ASIC2: variants seen among roughly 807,000 people sequenced by gnomAD.
ASIC2 encodes the protein acid sensing ion channel subunit 2, also known as acid-sensing ion channel 2.
Under a neutral mutation model 57.3 loss-of-function variants are expected in ASIC2, and 25 were observed. The observed-to-expected ratio is 0.44, with a 90% confidence interval of 0.32 to 0.61. The LOEUF is 0.61. ASIC2 is among the 20% of genes least tolerant of loss of function. ASIC2 has a pLI of 0.06. For missense variants in ASIC2, 641 were observed against 738.1 expected (o/e 0.87, Z 1.52); for synonymous variants, 319 against 307.5 (o/e 1.04, Z -0.39).
chr17:34,029,237 T>C (rs1907493945), intron 1 of ASIC2, among the ~76,000 whole-genome samples: 1 of 152,222 alleles, frequency 6.6e-6, no homozygotes, highest in Non-Finnish European at 1.5e-5. Context: ...AGGAAGTAGA[T>C]AGGCTCTGTG....
At chr17:33,703,242 G>A (rs906358021) in intron 1 of ASIC2, among the ~76,000 whole-genome samples, 1 of 152,074 alleles carries the variant, frequency 6.6e-6, no homozygotes, top group East Asian at 1.9e-4. Flanking sequence ...AGAGATGGGA[G>A]CTATAGTTTG....
chr17:33,977,485 T>C (rs1032188066), intron 1 of ASIC2, among the ~76,000 whole-genome samples: 1 of 152,236 alleles, frequency 6.6e-6, no homozygotes, highest in Non-Finnish European at 1.5e-5. Flanking sequence ...AACAGAAATC[T>C]GGGTACACAA....
intron 1 of ASIC2, among the ~76,000 whole-genome samples, chr17:33,255,690 T>A (rs940452382): frequency 1.4e-4 from 22 of 152,146 alleles, no homozygotes; most frequent in African/African-American, 4.8e-4. Context: ...TGTGCCACTA[T>A]GGTAAATTCT....
chr17:33,152,341 G>A (rs1256923466), intron 1 of ASIC2, among the ~76,000 whole-genome samples: 1 of 152,200 alleles, frequency 6.6e-6, no homozygotes, highest in Non-Finnish European at 1.5e-5. Flanking sequence ...GATGCCTCAT[G>A]CTGCAAGGTC....
chr17:33,577,439 T>A (rs774929611), intron 1 of ASIC2, among the ~76,000 whole-genome samples: 1 of 152,142 alleles, frequency 6.6e-6, no homozygotes, highest in Non-Finnish European at 1.5e-5. Flanking sequence ...GACATGGGAT[T>A]CAGGTGCTGC....
intron 1 of ASIC2, among the ~76,000 whole-genome samples, chr17:33,321,390 A>G (rs1176775369): frequency 6.6e-6 from 1 of 152,210 alleles, no homozygotes; most frequent in Non-Finnish European, 1.5e-5. Context: ...CCTGAGGCTC[A>G]GAAAGGAAAT....
intron 1 of ASIC2, among the ~76,000 whole-genome samples, chr17:34,080,162 AG>A (rs750313085): frequency 6.6e-6 from 1 of 152,220 alleles, no homozygotes; most frequent in Non-Finnish European, 1.5e-5. Context: ...GACCATTAAT[AG>A]CCTCTTGAAA....
chr17:34,058,236 G>C (rs1908841305), intron 1 of ASIC2, among the ~76,000 whole-genome samples: 1 of 152,158 alleles, frequency 6.6e-6, no homozygotes, highest in African/African-American at 2.4e-5. Flanking sequence ...GGCTGCCTAT[G>C]TAAGATGCAC....
intron 1 of ASIC2, among the ~76,000 whole-genome samples, chr17:33,526,465 C>G (rs960459022): frequency 6.6e-6 from 1 of 152,226 alleles, no homozygotes; most frequent in East Asian, 1.9e-4. Context: ...TCCCAATCTC[C>G]CAGCATGTCC....
At chr17:33,189,466 C>T (rs1213392542) in intron 1 of ASIC2, among the ~76,000 whole-genome samples, 1 of 152,044 alleles carries the variant, frequency 6.6e-6, no homozygotes, top group African/African-American at 2.4e-5. Flanking sequence ...GGTTTAAACT[C>T]AACATTAATA....
intron 1 of ASIC2, among the ~76,000 whole-genome samples, chr17:33,991,033 T>C (rs1905985912): frequency 6.6e-6 from 1 of 152,224 alleles, no homozygotes; most frequent in African/African-American, 2.4e-5. Flanking sequence ...CTCTAGCTTC[T>C]AACTCAAACA....
intron 1 of ASIC2, among the ~76,000 whole-genome samples, chr17:34,049,363 G>A (rs777606640): frequency 2.0e-5 from 3 of 152,154 alleles, no homozygotes; most frequent in Non-Finnish European, 4.4e-5. Flanking sequence ...CTCCAGGATG[G>A]TAGAAGAGCC....
At chr17:33,194,314 C>G (rs189064626) in intron 1 of ASIC2, among the ~76,000 whole-genome samples, 1 of 152,338 alleles carries the variant, frequency 6.6e-6, no homozygotes, top group African/African-American at 2.4e-5. Context: ...AGCAGCCCCT[C>G]CTCTCTTGTG....
At position 33,338,474 on chromosome 17, in the gene ASIC2, A is replaced by G. The variant is rs139401816; in HGVS notation, c.556-226407T>C. On this transcript the variant is annotated intron_variant, in intron 1 of 9. Transcript: ENST00000359872. ...AGGTGATATCCAGCTTGGATTTTTA[A>G]GAAATGAGGAGAAGGTAATTCCAGG... Among the ~76,000 whole-genome samples the G allele has an allele frequency of 1.7e-3, 252 of 152,274 alleles. 6 individuals carry two copies. Among genetic ancestry groups the G allele is most frequent in the African/African-American group, 5.6e-3 (233 of 41,560 alleles).
chr17:33,658,853 A>G (rs1007532657), intron 1 of ASIC2, among the ~76,000 whole-genome samples: 1 of 152,040 alleles, frequency 6.6e-6, no homozygotes, highest in African/African-American at 2.4e-5. Flanking sequence ...TTTTTTTAAA[A>G]TTAGCCAGCC....
chr17:33,423,105 T>G (rs1160268085), intron 1 of ASIC2, among the ~76,000 whole-genome samples: 1 of 152,160 alleles, frequency 6.6e-6, no homozygotes, highest in Non-Finnish European at 1.5e-5. Flanking sequence ...CGCACCAGCA[T>G]GGATGTTGTG....
chr17:33,389,606 G>A (rs2141951671), intron 1 of ASIC2, among the ~76,000 whole-genome samples: 1 of 152,312 alleles, frequency 6.6e-6, no homozygotes, highest in East Asian at 1.9e-4. Context: ...GGAAATTAAT[G>A]ATGACTCATT....
chr17:33,136,515 C>T (rs1259993115), intron 1 of ASIC2, among the ~76,000 whole-genome samples: 1 of 152,128 alleles, frequency 6.6e-6, no homozygotes, highest in African/African-American at 2.4e-5. Context: ...TAAGCTGAAC[C>T]CAGCTGACCC....
At chr17:34,122,242 C>A (rs1428380193) in intron 1 of ASIC2, among the ~76,000 whole-genome samples, 2 of 152,124 alleles carry the variant, frequency 1.3e-5, no homozygotes, top group African/African-American at 4.8e-5. Flanking sequence ...CTGGTATTCC[C>A]AAGGAGGCTG....
Sources: allele counts gnomAD v4.1 joint callset (sites outside exome capture counted in the v4.1 genomes callset), GRCh38; gene constraint gnomAD v4.1.1; transcripts MANE v1.5; gene names NCBI Gene and HGNC (gene_info 2026-07-23, HGNC 2026-07-21).